CSMD1: variants seen among roughly 807,000 people sequenced by gnomAD.
CSMD1 encodes the protein CUB and sushi domain-containing protein 1.
Under a neutral mutation model 417.5 loss-of-function variants are expected in CSMD1, and 213 were observed. The observed-to-expected ratio is 0.51, with a 90% CI of 0.46 to 0.57. The LOEUF is 0.57. Ranked by LOEUF, CSMD1 falls within the 20% of genes least tolerant of loss-of-function variation. The pLI, the probability that CSMD1 is intolerant of heterozygous loss-of-function variation, is 0.00. For missense variants in CSMD1, 6,923 were observed against 4,529.7 expected (o/e 1.53, Z -15.17); for synonymous variants, 2,862 against 1,736.8 (o/e 1.65, Z -16.11).
At chr8:4,263,125 T>C (rs995935093) in intron 3 of CSMD1, among the ~76,000 whole-genome samples, 20 of 152,162 alleles carry the variant, frequency 1.3e-4, no homozygotes, top group Non-Finnish European at 2.5e-4. Context: ...GTGGGTGATA[T>C]CACTTATTTT....
intron 1 of CSMD1, among the ~76,000 whole-genome samples, chr8:4,941,248 G>A (rs897977101): frequency 6.9e-6 from 1 of 144,314 alleles, no homozygotes; most frequent in Non-Finnish European, 1.5e-5. Flanking sequence ...ACACTCTTTT[G>A]TTGTTTCAAA....
At chr8:4,858,779 T>G (rs1028977580) in intron 1 of CSMD1, among the ~76,000 whole-genome samples, 4 of 140,264 alleles carry the variant, frequency 2.9e-5, no homozygotes, top group Admixed American at 2.2e-4. Context: ...TACAAACAAA[T>G]GGAAGAACAT....
intron 3 of CSMD1, among the ~76,000 whole-genome samples, chr8:4,291,839 C>G (rs1046389404): frequency 2.6e-5 from 4 of 152,114 alleles, no homozygotes; most frequent in African/African-American, 9.7e-5. Flanking sequence ...ATGGCCTTTG[C>G]AAAATAATTA....
At chr8:4,963,419 C>T (rs532331185) in intron 1 of CSMD1, among the ~76,000 whole-genome samples, 101 of 152,156 alleles carry the variant, frequency 6.6e-4, no homozygotes, top group African/African-American at 2.4e-3. Context: ...AGCTTGGTCT[C>T]GAACTCCTGA....
intron 37 of CSMD1, among the ~76,000 whole-genome samples, chr8:3,170,047 A>G (rs1233312368): frequency 6.6e-6 from 1 of 152,240 alleles, no homozygotes. Context: ...CAAGTGCAGG[A>G]GTCGCGTTAG....
intron 3 of CSMD1, among the ~76,000 whole-genome samples, chr8:4,060,716 T>G (rs1366463578): frequency 6.6e-6 from 1 of 152,158 alleles, no homozygotes; most frequent in Non-Finnish European, 1.5e-5. Context: ...CATGGGAATT[T>G]TAATAAGATG....
intron 7 of CSMD1, among the ~76,000 whole-genome samples, chr8:3,626,600 G>A (rs953231843): frequency 6.6e-6 from 1 of 151,490 alleles, no homozygotes. Flanking sequence ...AAAACCATGA[G>A]ATATGATTTG....
At position 3,174,404 on chromosome 8, in the gene CSMD1, A is replaced by G. The variant is rs529321652; in HGVS notation, c.5725+6706T>C. Among the ~76,000 whole-genome samples, 12 of 152,310 alleles carry G rather than the reference A, an allele frequency of 7.9e-5. 1 individual carries two copies. The South Asian group carries it at 2.5e-3, about 32-fold the overall frequency. On this transcript the variant is annotated intron_variant, in intron 37 of 69. Coordinates refer to ENST00000635120, the MANE Select transcript of CSMD1 (RefSeq NM_033225.6). ...CAGCTACTCCAAAGGCTGAGGTGGG[A>G]GGATTGCTTGAACCCAAGAGGTTGA...
intron 33 of CSMD1, among the ~76,000 whole-genome samples, chr8:3,193,779 A>C (rs1796553831): frequency 6.6e-6 from 1 of 152,166 alleles, no homozygotes; most frequent in South Asian, 2.1e-4. Context: ...GAGGTGCTGA[A>C]AGTGGGAAGC....
At chr8:3,758,518 C>T (rs1246445464) in intron 5 of CSMD1, among the ~76,000 whole-genome samples, 1 of 152,140 alleles carries the variant, frequency 6.6e-6, no homozygotes, top group African/African-American at 2.4e-5. Context: ...GGGCCAGGAG[C>T]TAATCTTATA....
At chr8:3,876,859 G>A (rs2975354) in intron 5 of CSMD1, among the ~76,000 whole-genome samples, 2,133 of 152,306 alleles carry the variant, frequency 0.014, 30 homozygotes, top group Non-Finnish European at 0.021. Flanking sequence ...TGATTCGCCC[G>A]CCTTGGCCTC....
intron 3 of CSMD1, among the ~76,000 whole-genome samples, chr8:4,100,118 G>C (rs78748026): frequency 0.018 from 2,716 of 152,154 alleles, 87 homozygotes; most frequent in African/African-American, 0.063. Context: ...TGACTCCGGG[G>C]AAATTACTTA....
At chr8:3,458,601 C>G (rs999661648) in intron 12 of CSMD1, among the ~76,000 whole-genome samples, 1 of 152,164 alleles carries the variant, frequency 6.6e-6, no homozygotes, top group Non-Finnish European at 1.5e-5. Flanking sequence ...TCATCTTATT[C>G]GTCTTGCGTT....
chr8:3,837,330 C>G (rs969242836), intron 5 of CSMD1, among the ~76,000 whole-genome samples: 1 of 152,090 alleles, frequency 6.6e-6, no homozygotes, highest in African/African-American at 2.4e-5. Context: ...GTATTCATTT[C>G]TACATCAGAG....
intron 3 of CSMD1, among the ~76,000 whole-genome samples, chr8:4,382,913 A>C (rs1803197157): frequency 6.6e-6 from 1 of 152,164 alleles, no homozygotes. Flanking sequence ...CCTAGTTAAT[A>C]AGTGGGAAGG....
chr8:4,454,598 G>C (rs1040370207), intron 2 of CSMD1, among the ~76,000 whole-genome samples: 6 of 152,178 alleles, frequency 3.9e-5, no homozygotes, highest in African/African-American at 1.2e-4. Context: ...GGGCTGGCTG[G>C]GGAAGGAGGG....
intron 2 of CSMD1, among the ~76,000 whole-genome samples, chr8:4,481,128 C>G (rs1260270864): frequency 6.6e-6 from 1 of 152,200 alleles, no homozygotes; most frequent in Non-Finnish European, 1.5e-5. Context: ...ATGAGCATCT[C>G]AAGGCTTGAG....
At chr8:3,428,463 T>C (rs898650052) in intron 12 of CSMD1, among the ~76,000 whole-genome samples, 4 of 152,142 alleles carry the variant, frequency 2.6e-5, no homozygotes, top group African/African-American at 9.7e-5. Context: ...AAACTGTTTA[T>C]ACTGAGCATA....
chr8:4,749,688 T>G (rs941658808), intron 1 of CSMD1, among the ~76,000 whole-genome samples: 2 of 152,198 alleles, frequency 1.3e-5, no homozygotes, highest in Admixed American at 6.5e-5. Context: ...TTTACCAAGT[T>G]AGCAATTTCA....
Sources: allele counts gnomAD v4.1 joint callset (sites outside exome capture counted in the v4.1 genomes callset), GRCh38; gene constraint gnomAD v4.1.1; transcripts MANE v1.5; gene names NCBI Gene and HGNC (gene_info 2026-07-23, HGNC 2026-07-21).